The following MYO7A variants were observed in gnomAD, a reference collection of about 807,000 sequenced individuals.
The protein encoded by MYO7A is unconventional myosin-VIIa.
In MYO7A, 210 loss-of-function variants were observed where a neutral mutation model predicts 263.8. The ratio of observed to expected loss-of-function variants is 0.80; its 90% CI spans 0.71 to 0.89. The LOEUF (loss-of-function observed/expected upper bound fraction) is 0.89. Ranked by LOEUF, MYO7A falls within the 40% of genes least tolerant of loss-of-function variation. The pLI is 0.00. For missense variants in MYO7A, 2,820 were observed against 2,968.3 expected, an observed-to-expected ratio of 0.95 and a Z score of 1.16; for synonymous variants, 1,239 against 1,197.3, an observed-to-expected ratio of 1.03 and a Z score of -0.72.
At chr11:77,208,642 G>A (rs771914899) in intron 43 of MYO7A, 55 bp from the exon 44 acceptor site, 48 of 1,507,722 alleles carry the variant, frequency 3.2e-5, no homozygotes, top group East Asian at 1.5e-4. Context: ...GGCTCGGGAC[G>A]TGAGCACTCC....
chr11:77,197,358 C>A lies in MYO7A; in HGVS notation c.4324-123C>A. 7.2e-6 allele frequency: 5 copies of A among 691,820 alleles called. No homozygotes were observed. The South Asian group carries it at 9.6e-5, about 13-fold the overall frequency. The allele number at this position is 691,820 out of a possible 1,614,324, so 42.9% of individuals were successfully genotyped here. ...GCAGACAGATGGGAGCAGGGCAAGG[C>A]CACGATGCACAGGAGGTGCAGGAGC... is the stretch of plus-strand genomic sequence containing the variant. On this transcript the variant is annotated intron_variant, in intron 32 of 48. Coordinates refer to ENST00000409709, the MANE Select transcript of MYO7A (RefSeq NM_000260.4).
At chr11:77,150,675 G>T (rs1383471632) in intron 4 of MYO7A, among the ~76,000 whole-genome samples, 1 of 152,174 alleles carries the variant, frequency 6.6e-6, no homozygotes, top group African/African-American at 2.4e-5. Context: ...CTGCCTTCTT[G>T]TCCAGGACCC....
intron 39 of MYO7A, 26 bp from the exon 40 acceptor site, chr11:77,205,436 G>A (rs1386128432): frequency 1.9e-6 from 3 of 1,549,192 alleles, no homozygotes; most frequent in Non-Finnish European, 8.7e-7. Context: ...AGCTGCCCCT[G>A]CTGGAGCCCA....
rs113447008 is a variant in MYO7A, at chr11:77,167,870, G to A, written c.1797+1708G>A. Among the ~76,000 whole-genome samples, 707 of 152,088 alleles carry A rather than the reference G, an allele frequency of 4.6e-3. 3 individuals are homozygous for A. Among genetic ancestry groups the A allele is most frequent in the South Asian group, 0.011 (54 of 4,808 alleles). On this transcript the variant is annotated intron_variant, in intron 15 of 48. Coordinates refer to ENST00000409709, the MANE Select transcript of MYO7A (RefSeq NM_000260.4). ...CAGATCAGCCCTGGAAGAACCTCCC[G>A]CCCCCACTCACCCTGACAGACCAAC...
chr11:77,198,448 G>A (rs536737014), intron 33 of MYO7A, 47 bp from the exon 34 acceptor site: 1 of 1,605,158 alleles, frequency 6.2e-7, no homozygotes, highest in East Asian at 2.2e-5. Context: ...GAAGGGCTGG[G>A]CCTGGGTGTG....
intron 17 of MYO7A, 83 bp downstream of exon 17, chr11:77,174,997 A>G (rs1591351258): frequency 1.3e-6 from 2 of 1,544,154 alleles, no homozygotes; most frequent in African/African-American, 1.4e-5. Flanking sequence ...TATCAGGACC[A>G]TGGGCGGGGC....
chr11:77,160,889 G>A, intron 11 of MYO7A, 84 bp from the exon 12 acceptor site: 1 of 1,491,858 alleles, frequency 6.7e-7, no homozygotes, highest in South Asian at 1.2e-5. Flanking sequence ...AAGGGCTGGA[G>A]CGACACCACG....
Position 77,130,579 on chromosome 11 carries a change from C to T in MYO7A, c.-46-10C>T, listed in dbSNP as rs1950739084. Reference sequence around the variant, plus strand: ...TGCCCAGAAGCATGACATGGTCTCTCTCCCTGCAGAACTGTGCCTGGCCCA... The same window carrying T: ...TGCCCAGAAGCATGACATGGTCTCTTTCCCTGCAGAACTGTGCCTGGCCCA... On this transcript the variant is annotated splice_polypyrimidine_tract_variant and intron_variant, in intron 1 of 48. Transcript: ENST00000409709. 6.2e-7 allele frequency: 1 copy of T among 1,604,314 alleles called. No homozygotes were observed. The highest frequency in any genetic ancestry group is 1.1e-5 in the South Asian group (1 of 88,994).
chr11:77,175,032 T>C, intron 17 of MYO7A, 118 bp downstream of exon 17: 3 of 1,314,314 alleles, frequency 2.3e-6, no homozygotes, highest in Non-Finnish European at 3.1e-6. Context: ...ACCTCTCAGG[T>C]GCAGCACGGA....
At chr11:77,175,522 G>T in intron 18 of MYO7A, 58 bp downstream of exon 18, 1 of 1,500,812 alleles carries the variant, frequency 6.7e-7, no homozygotes. Flanking sequence ...CCCATGATGT[G>T]GGCTGGGGTG....
rs1260218899 is a variant in MYO7A at position 77,157,111 on chromosome 11, C to T, written c.735+107C>T. The T allele has an allele frequency of 2.0e-5, 30 of 1,489,274 alleles. No individual in the cohort carries two copies. The African/African-American group carries it at 2.9e-4, about 14-fold the overall frequency. 92.3% of individuals were successfully genotyped at this position (1,489,274 alleles called of 1,614,324 possible). A position where few individuals can be genotyped will look rare whatever the true frequency, so the allele number is the denominator to read the frequency against. On this transcript the variant is annotated intron_variant, in intron 7 of 48. Transcript: ENST00000409709. The stretch of plus-strand genomic sequence containing the variant: ...TGCCCGTATTGCTCCCCCACCTGCC[C>T]GTATTGCTGCCTGCTTCCCTCTGTG...
At chr11:77,146,616 G>T (rs1951584604) in intron 3 of MYO7A, among the ~76,000 whole-genome samples, 1 of 152,134 alleles carries the variant, frequency 6.6e-6, no homozygotes, top group South Asian at 2.1e-4. Context: ...AGCTGTTGGG[G>T]TTGACTATGC....
At chr11:77,157,033 T>A (rs1225386979) in intron 7 of MYO7A, 29 bp downstream of exon 7, 19 of 1,606,178 alleles carry the variant, frequency 1.2e-5, no homozygotes, top group Non-Finnish European at 1.6e-5. Flanking sequence ...GATGCAGGAA[T>A]AGACCCAGGC....
At chr11:77,194,331 G>T in intron 31 of MYO7A, 23 bp from the exon 32 acceptor site, 1 of 1,605,024 alleles carries the variant, frequency 6.2e-7, no homozygotes. Context: ...GCCAATGCAT[G>T]ACCGAGGCCT....
At chr11:77,194,225 G>A in intron 31 of MYO7A, 129 bp from the exon 32 acceptor site, 1 of 1,104,856 alleles carries the variant, frequency 9.1e-7, no homozygotes, top group Non-Finnish European at 1.3e-6. Context: ...AGAAGCCTGG[G>A]TCCCAAAGGC....
At chr11:77,165,104 T>A (rs1169568260) in intron 14 of MYO7A, among the ~76,000 whole-genome samples, 1 of 152,186 alleles carries the variant, frequency 6.6e-6, no homozygotes, top group Non-Finnish European at 1.5e-5. Context: ...AGTGAGTCTG[T>A]CAGAGCTTTA....
intron 28 of MYO7A, 57 bp downstream of exon 28, chr11:77,189,527 C>G: frequency 1.2e-6 from 2 of 1,604,612 alleles, no homozygotes; most frequent in East Asian, 2.2e-5. Flanking sequence ...TGTCCCAGCA[C>G]TGTGGGGAGA....
At chr11:77,190,526 C>G (rs555848671) in intron 29 of MYO7A, among the ~76,000 whole-genome samples, 171 bp from the exon 30 acceptor site, 6 of 152,098 alleles carry the variant, frequency 3.9e-5, no homozygotes, top group Non-Finnish European at 8.8e-5. Flanking sequence ...GTGGGGTGCA[C>G]AGCAGGGCTC....
At chr11:77,204,360 T>A in intron 39 of MYO7A, 131 bp downstream of exon 39, 1 of 1,294,306 alleles carries the variant, frequency 7.7e-7, no homozygotes, top group Admixed American at 2.3e-5. Flanking sequence ...GAGCTGCTCA[T>A]GGGCCCCCTC....
Sources: gnomAD v4.1 joint callset for allele counts (sites outside exome capture counted in the v4.1 genomes callset) on GRCh38, gnomAD v4.1.1 for gene constraint, MANE v1.5 for transcripts, NCBI Gene and HGNC (gene_info 2026-07-23, HGNC 2026-07-21) for gene names.